Variants in MAS1 observed in about 807,000 individuals in gnomAD.
The protein encoded by MAS1 is MAS1 proto-oncogene, G protein-coupled receptor.
For missense variants in MAS1, 387 were observed against 409.7 expected (o/e 0.94, Z 0.48); for synonymous variants, 163 against 164.2 (o/e 0.99, Z 0.05).
At chr6:159,905,151 C>G (rs1227854301) in intron 2 of MAS1, among the ~76,000 whole-genome samples, 1 of 152,246 alleles carries the variant, frequency 6.6e-6, no homozygotes, top group Non-Finnish European at 1.5e-5. Flanking sequence ...TACTGGGATA[C>G]AGACTCCACC....
intron 1 of MAS1, among the ~76,000 whole-genome samples, chr6:159,892,188 C>T (rs79568806): frequency 0.028 from 4,332 of 152,172 alleles, 225 homozygotes; most frequent in African/African-American, 0.099. Context: ...CATTTAATAC[C>T]AGGACAGATG....
chr6:159,903,111 T>A (rs220726), intron 2 of MAS1, among the ~76,000 whole-genome samples: 38,163 of 151,878 alleles, frequency 0.25, 6,023 homozygotes, highest in East Asian at 0.79. Context: ...TCCCCTTCAG[T>A]GCCTTTAGTA....
rs547292949 is a variant in MAS1 at position 159,912,238 on chromosome 6, T to C, written c.*4305T>C. On this transcript the variant is annotated 3_prime_UTR_variant, in exon 3 of 3. Transcript: ENST00000674077. ...GGGATCGTTGGCTGCCTTCATGGAG[T>C]TGTTTAAGGAGCACTTAGAAGATGC... 6.6e-6 allele frequency: 1 copy of C among 152,196 alleles called. No individual in the cohort carries two copies. Among genetic ancestry groups the C allele is most frequent in the South Asian group, 2.1e-4 (1 of 4,822 alleles). 9.4% of individuals were successfully genotyped at this position (152,196 alleles called of 1,614,324 possible). A position where few individuals can be genotyped will look rare whatever the true frequency, so the allele number is the denominator to read the frequency against.
At chr6:159,889,754 G>A (rs1782676730), upstream of MAS1, among the ~76,000 whole-genome samples, 1 of 152,208 alleles carries the variant, frequency 6.6e-6, no homozygotes, top group African/African-American at 2.4e-5. Context: ...CTGGTCTGTT[G>A]ATTTGCTGCT....
At chr6:159,901,600 AC>A (rs951394571) in intron 2 of MAS1, among the ~76,000 whole-genome samples, 6 of 152,082 alleles carry the variant, frequency 3.9e-5, no homozygotes, top group African/African-American at 1.4e-4. Context: ...CTATCTCTAA[AC>A]TTTTTTTTTA....
chr6:159,890,246 A>AAAC (rs1047826663), upstream of MAS1, among the ~76,000 whole-genome samples: 5 of 152,172 alleles, frequency 3.3e-5, no homozygotes, highest in Non-Finnish European at 2.9e-5. Flanking sequence ...AAACCTAACC[A>AAAC]AACAACAACA....
chr6:159,902,542 T>C (rs959522467), intron 2 of MAS1: 5 of 152,252 alleles, frequency 3.3e-5, no homozygotes, highest in African/African-American at 1.2e-4. Flanking sequence ...TAAAGTATGT[T>C]ATTAAAATGG....
chr6:159,888,866 A>G (rs1388315943), upstream of MAS1, among the ~76,000 whole-genome samples: 5 of 152,254 alleles, frequency 3.3e-5, no homozygotes, highest in Non-Finnish European at 7.3e-5. Context: ...AACCAAGCAC[A>G]GAAATAGCCA....
At chr6:159,905,060 A>G (rs1431554147) in intron 2 of MAS1, among the ~76,000 whole-genome samples, 1 of 152,050 alleles carries the variant, frequency 6.6e-6, no homozygotes, top group Non-Finnish European at 1.5e-5. Context: ...ATGATGCTTT[A>G]CTTTTTTCCA....
At chr6:159,889,062 CAA>C (rs1180496264), upstream of MAS1, among the ~76,000 whole-genome samples, 3 of 152,282 alleles carry the variant, frequency 2.0e-5, no homozygotes, top group Admixed American at 1.3e-4. Context: ...AAGCTGGGGG[CAA>C]AGAGAGCCAC....
At chr6:159,889,833 C>A (rs1435740020), upstream of MAS1, among the ~76,000 whole-genome samples, 1 of 152,166 alleles carries the variant, frequency 6.6e-6, no homozygotes, top group Non-Finnish European at 1.5e-5. Context: ...TTTCTTCTTC[C>A]CACTGGGAGG....
intron 2 of MAS1, among the ~76,000 whole-genome samples, chr6:159,906,081 A>G (rs1782882468): frequency 6.6e-6 from 1 of 152,186 alleles, no homozygotes; most frequent in Admixed American, 6.5e-5. Context: ...TTATGGACAA[A>G]GTTCAGAAAG....
chr6:159,890,513 C>G (rs6927993), upstream of MAS1, among the ~76,000 whole-genome samples: 6 of 152,084 alleles, frequency 3.9e-5, no homozygotes, highest in Non-Finnish European at 7.4e-5. Flanking sequence ...TGATACTCTC[C>G]GAAACTGGGT....
chr6:159,917,065 G>C lies in MAS1; in HGVS notation c.*9132G>C, dbSNP rs1322731148. ...TAGTGGCCGGACTTTGCCACCTCCA[G>C]CCTGGAGTGTTTTGGGAATTCCCCA... On this transcript the variant is annotated 3_prime_UTR_variant, in exon 3 of 3. Coordinates refer to ENST00000674077, the MANE Select transcript of MAS1 (RefSeq NM_002377.4). Among the ~76,000 whole-genome samples, 1 of 152,236 alleles carries C rather than the reference G, an allele frequency of 6.6e-6. No individual in the cohort carries two copies. Among genetic ancestry groups the C allele is most frequent in the African/African-American group, 2.4e-5 (1 of 41,464 alleles).
chr6:159,899,486 G>A (rs1050750694), intron 2 of MAS1, 94 bp downstream of exon 2: 3 of 152,418 alleles, frequency 2.0e-5, no homozygotes, highest in Non-Finnish European at 2.9e-5. Context: ...AGAACTTTGG[G>A]AGGCTGAGGC....
intron 2 of MAS1, among the ~76,000 whole-genome samples, chr6:159,906,165 C>G (rs993258638): frequency 1.3e-5 from 2 of 152,026 alleles, no homozygotes; most frequent in Non-Finnish European, 2.9e-5. Context: ...TTTTTGAGTG[C>G]TTTGTCTGGC....
Position 159,907,223 on chromosome 6 carries a change from G to A in MAS1, c.268G>A (p.Asp90Asn), listed in dbSNP as rs769642224. The A allele has an allele frequency of 2.8e-5, 45 of 1,613,994 alleles. No individual in the cohort carries two copies. Among genetic ancestry groups the A allele is most frequent in the South Asian group, 1.6e-4 (15 of 91,078 alleles). Residue 90 changes from aspartate (D) to asparagine (N), a missense_variant, in exon 3 of 3, where the codon GAC becomes AAC. Physicochemically the swap from Asp to Asn is conservative, Grantham distance 23 (BLOSUM62 1). Transcript: ENST00000674077. ...CTTCTGTATTTTCATCTTGTCTATC[G>A]ACTATGCTTTAGATTATGAGCTTTC... ...LLFCIFILSI[D>N]YALDYELSSG... is the part of the protein sequence containing the mutation.
At chr6:159,894,364 A>T (rs1300970266) in intron 1 of MAS1, among the ~76,000 whole-genome samples, 1 of 144,398 alleles carries the variant, frequency 6.9e-6, no homozygotes. Context: ...GGCTGAATTG[A>T]GTGGAGATGG....
rs182443787 is a variant in MAS1 at position 159,900,664 on chromosome 6, T to C, written c.-37+1272T>C. On this transcript the variant is annotated intron_variant, in intron 2 of 2. Coordinates refer to ENST00000674077, the MANE Select transcript of MAS1 (RefSeq NM_002377.4). ...ATGATCAAAGTCTGCCTGAGTACTG[T>C]ATGTGCTTCATGAGTTGTGCTCTAA... is the stretch of plus-strand genomic sequence containing the variant. Among the ~76,000 whole-genome samples, 569 of 152,328 alleles carry C rather than the reference T, an allele frequency of 3.7e-3. 4 individuals carry two copies. The highest frequency in any genetic ancestry group is 0.013 in the African/African-American group (553 of 41,566).
Sources: allele counts gnomAD v4.1 joint callset (sites outside exome capture counted in the v4.1 genomes callset), GRCh38; gene constraint gnomAD v4.1.1; transcripts MANE v1.5; gene names NCBI Gene and HGNC (gene_info 2026-07-23, HGNC 2026-07-21).